Variants in DGCR8 observed in about 807,000 individuals in gnomAD.
The protein encoded by DGCR8 is DGCR8 microprocessor complex subunit.
DGCR8 carries 14 observed loss-of-function variants against 78.5 expected under a neutral mutation model. The observed-to-expected ratio is 0.18, with a 90% CI of 0.12 to 0.28. The LOEUF is 0.28. Among genes scored for constraint, DGCR8 ranks in the 10% least tolerant of loss-of-function variants. DGCR8 has a pLI of 1.00. For missense variants in DGCR8, 702 were observed against 1,022.5 expected (o/e 0.69, Z 4.28); for synonymous variants, 399 against 402.4 (o/e 0.99, Z 0.10).
intron 12 of DGCR8, 116 bp from the exon 13 acceptor site, chr22:20,108,774 T>TATG: frequency 7.0e-6 from 1 of 143,516 alleles, no homozygotes; most frequent in Non-Finnish European, 1.2e-5. Flanking sequence ...CTGTTTCGTG[T>TATG]CTGCCAGACC....
At chr22:20,092,324 T>C (rs2049575237) in intron 7 of DGCR8, among the ~76,000 whole-genome samples, 1 of 152,190 alleles carries the variant, frequency 6.6e-6, no homozygotes, top group Non-Finnish European at 1.5e-5. Context: ...CCTGGGTGTC[T>C]GAAGGGTTCT....
intron 9 of DGCR8, chr22:20,100,585 A>G: frequency 3.0e-6 from 3 of 985,428 alleles, no homozygotes; most frequent in Non-Finnish European, 3.6e-6. Context: ...GGAAATGTCC[A>G]TGAACCACTG....
intron 9 of DGCR8, among the ~76,000 whole-genome samples, chr22:20,097,517 G>A (rs998987129): frequency 1.3e-5 from 2 of 152,042 alleles, no homozygotes; most frequent in Non-Finnish European, 2.9e-5. Flanking sequence ...TGGTTGTGAT[G>A]GTCCCTTGCT....
rs982340452 is a variant in DGCR8 at position 20,085,186 on chromosome 22, C to A, written c.-277-501C>A. 7 of 335,880 alleles carry A rather than the reference C, an allele frequency of 2.1e-5. No individual in the cohort carries two copies. Among genetic ancestry groups the A allele is most frequent in the Non-Finnish European group, 3.0e-5 (7 of 236,366 alleles). 20.8% of individuals were successfully genotyped at this position (335,880 alleles called of 1,614,324 possible). A position where few individuals can be genotyped will look rare whatever the true frequency, so the allele number is the denominator to read the frequency against. Reference sequence around the variant, plus strand: ...GCCCTGGGGTCCCTGGGTAGCAGAGCGCCTGGCCATGCCTCTGAGGCCCCT... The same window carrying A: ...GCCCTGGGGTCCCTGGGTAGCAGAGAGCCTGGCCATGCCTCTGAGGCCCCT... On this transcript the variant is annotated intron_variant, in intron 1 of 13. Coordinates refer to ENST00000351989, the MANE Select transcript of DGCR8 (RefSeq NM_022720.7). This position sits in a 1 kb window ranked among gnomAD's most constrained non-coding sequence, Gnocchi z 6.2.
At chr22:20,101,295 G>A (rs2049697857) in intron 9 of DGCR8, 3 of 985,200 alleles carry the variant, frequency 3.0e-6, no homozygotes, top group African/African-American at 1.7e-5. Context: ...GTCATCTGTG[G>A]GCTGGGCGCG....
At chr22:20,084,470 T>C (rs768445175) in intron 1 of DGCR8, among the ~76,000 whole-genome samples, 2 of 152,224 alleles carry the variant, frequency 1.3e-5, no homozygotes, top group African/African-American at 2.4e-5. Context: ...CCTTTCTTCA[T>C]GCTTCCTCTG....
At chr22:20,080,431 G>A in intron 1 of DGCR8, 48 bp downstream of exon 1, 1 of 978,834 alleles carries the variant, frequency 1.0e-6, no homozygotes, top group East Asian at 1.1e-4. Flanking sequence ...GGCGGGCGCC[G>A]CGGCCTGCGC....
At position 20,089,183 on chromosome 22, in the gene DGCR8, A is replaced by G. The variant is rs2049524235; in HGVS notation, c.881-486A>G. ...GGGTTGGGAGTAGTGTATTAAACCA[A>G]CTTAGAAACGGAATCATTTGAAGCA... is the stretch of plus-strand genomic sequence containing the variant. On this transcript the variant is annotated intron_variant, in intron 3 of 13. Transcript: ENST00000351989. The surrounding 1 kb of genome is among the most constrained non-coding windows in gnomAD (Gnocchi z 4.9). Among the ~76,000 whole-genome samples the G allele has an allele frequency of 6.6e-6, 1 of 152,252 alleles. No individual in the cohort carries two copies. Among genetic ancestry groups the G allele is most frequent in the Admixed American group, 6.5e-5 (1 of 15,290 alleles).
rs1358515308 is a variant in DGCR8 at position 20,107,664 on chromosome 22, C to T, written c.2124+266C>T. The T allele has an allele frequency of 6.2e-6, 3 of 483,952 alleles. No individual in the cohort carries two copies. In the East Asian group the frequency reaches 1.1e-4, roughly 18 times the overall value. The allele number at this position is 483,952 out of a possible 1,614,324, so 30.0% of individuals were successfully genotyped here. Reference sequence around the variant, plus strand: ...AGCTATGTGGCTTGTAGGGAGATGGCCAAAGTGCAAGGCAGGGCCAGGCAG... The same window carrying T: ...AGCTATGTGGCTTGTAGGGAGATGGTCAAAGTGCAAGGCAGGGCCAGGCAG... On this transcript the variant is annotated intron_variant, in intron 12 of 13. Transcript: ENST00000351989.
chr22:20,103,410 A>C (rs2049728667), intron 9 of DGCR8, among the ~76,000 whole-genome samples: 1 of 152,172 alleles, frequency 6.6e-6, no homozygotes, highest in South Asian at 2.1e-4. Flanking sequence ...GTTTATTGCT[A>C]GCTTACAGAG....
At chr22:20,106,747 T>A in intron 11 of DGCR8, 49 bp downstream of exon 11, 1 of 1,328,880 alleles carries the variant, frequency 7.5e-7, no homozygotes, top group Non-Finnish European at 1.1e-6. Flanking sequence ...GGGCGGCCCC[T>A]GGTGTGGCCC....
intron 1 of DGCR8, among the ~76,000 whole-genome samples, chr22:20,081,758 T>C (rs1372606263): frequency 6.6e-6 from 1 of 152,212 alleles, no homozygotes; most frequent in Non-Finnish European, 1.5e-5. Context: ...TGTGTTACTT[T>C]GGCGCCAAGT....
At chr22:20,103,308 A>C (rs1344777361) in intron 9 of DGCR8, among the ~76,000 whole-genome samples, 1 of 152,074 alleles carries the variant, frequency 6.6e-6, no homozygotes, top group Non-Finnish European at 1.5e-5. Context: ...GGCAGTTTTC[A>C]TCACACAGGC....
intron 8 of DGCR8, among the ~76,000 whole-genome samples, chr22:20,093,145 C>T (rs1278488418): frequency 6.6e-6 from 1 of 152,090 alleles, no homozygotes; most frequent in African/African-American, 2.4e-5. Context: ...GTGTCTCATG[C>T]CTGTAATCCC....
In DGCR8 at chr22:20,090,163, C is replaced by G. The variant is rs2049537239; in HGVS notation, c.1211C>G (p.Pro404Arg). The change falls in exon 5 of 14, where the codon CCC becomes CGC. Residue 404 changes from proline to arginine, a missense_variant. Physicochemically the swap from Pro to Arg is moderately radical, Grantham distance 103 (BLOSUM62 -2). This residue lies in a region of DGCR8 where 119 missense variants were observed against 126.1 expected (regional missense o/e 0.94). Transcript: ENST00000351989. ...EPDSMGADPGPPDEKDPLGAE... is the reference protein window; with the variant it reads ...EPDSMGADPGRPDEKDPLGAE... ...GACTCTATGGGTGCTGACCCGGGGC[C>G]CCCGGACGAGAAAGACCCACTAGGG... The G allele has an allele frequency of 2.5e-6, 4 of 1,614,226 alleles. No homozygotes were observed. Among genetic ancestry groups the G allele is most frequent in the Non-Finnish European group, 2.5e-6 (3 of 1,180,034 alleles).
chr22:20,107,482 G>C, intron 12 of DGCR8, 84 bp downstream of exon 12: 1 of 1,549,540 alleles, frequency 6.5e-7, no homozygotes, highest in Non-Finnish European at 8.8e-7. Flanking sequence ...AGAGGGGGCA[G>C]AGCTGGGCAG....
intron 9 of DGCR8, chr22:20,101,686 G>T: frequency 2.0e-6 from 2 of 985,428 alleles, no homozygotes; most frequent in Non-Finnish European, 2.4e-6. Context: ...TGTTTAGACA[G>T]GGGTGGCCAT....
At chr22:20,095,924 G>T (rs117567646) in intron 9 of DGCR8, among the ~76,000 whole-genome samples, 3 of 152,224 alleles carry the variant, frequency 2.0e-5, no homozygotes, top group Non-Finnish European at 4.4e-5. Context: ...TGAATGCACT[G>T]TTCACAATAG....
chr22:20,110,099 G>A lies in DGCR8; in HGVS notation c.2313G>A (p.Val771=). The A allele has an allele frequency of 6.2e-7, 1 of 1,610,090 alleles. No homozygotes were observed. The change falls in exon 14 of 14, where the codon GTG becomes GTA. Residue 771 remains valine, a synonymous_variant. Coordinates refer to ENST00000351989, the MANE Select transcript of DGCR8 (RefSeq NM_022720.7). ...AQPGGEPLCT[V]DV is the part of the protein sequence containing the mutation. ...CTGGCGGTGAGCCCCTGTGCACCGT[G>A]GACGTGTGAGGGAGGTGGCACGGGC...
Sources: gnomAD v4.1 joint callset for allele counts (sites outside exome capture counted in the v4.1 genomes callset) on GRCh38, gnomAD v4.1.1 for gene constraint, gnomAD v4.1.1 regional missense constraint, Gnocchi (gnomAD v3.1) non-coding constraint, MANE v1.5 for transcripts, NCBI Gene and HGNC (gene_info 2026-07-23, HGNC 2026-07-21) for gene names.